SREBF2: variants seen among roughly 807,000 people sequenced by gnomAD.
The protein encoded by SREBF2 is sterol regulatory element-binding protein 2.
In SREBF2, 55 loss-of-function variants were observed where a neutral mutation model predicts 113.1. The ratio of observed to expected loss-of-function variants is 0.49; its 90% CI spans 0.39 to 0.61. The LOEUF (loss-of-function observed/expected upper bound fraction) is 0.61, where lower values mean the gene tolerates loss of function less well. Ranked by LOEUF, SREBF2 falls within the 20% of genes least tolerant of loss-of-function variation. SREBF2 has a pLI of 0.00. For missense variants in SREBF2, 1,349 were observed against 1,487.4 expected (o/e 0.91, Z 1.53); for synonymous variants, 593 against 605.7 (o/e 0.98, Z 0.31).
At chr22:41,884,226 C>T (rs574763842) in intron 10 of SREBF2, among the ~76,000 whole-genome samples, 5 of 152,294 alleles carry the variant, frequency 3.3e-5, no homozygotes, top group African/African-American at 1.2e-4. Flanking sequence ...ACCTCCGCAT[C>T]GCAGGCTCAA....
chr22:41,892,674 T>C (rs1055178569), intron 11 of SREBF2, among the ~76,000 whole-genome samples: 1 of 138,248 alleles, frequency 7.2e-6, no homozygotes, highest in Admixed American at 7.2e-5. Context: ...AAAAATGACA[T>C]GATAAAAAGT....
chr22:41,900,901 C>A, intron 16 of SREBF2: 1 of 529,682 alleles, frequency 1.9e-6, no homozygotes, highest in Non-Finnish European at 3.8e-6. Flanking sequence ...TGAAGACCAC[C>A]CTGGGCACCT....
chr22:41,866,933 G>T lies in SREBF2; in HGVS notation c.191G>T (p.Ser64Ile). 6.2e-7 allele frequency: 1 copy of T among 1,613,408 alleles called. No homozygotes were observed. The highest frequency in any genetic ancestry group is 1.3e-5 in the African/African-American group (1 of 74,468). ...GGCAGTGGTGGTAGTGGTAGCAGCA[G>T]CGGCAGCAGTGGCAGCAGCAGCAGC... The part of the protein sequence containing the change: ...FPGSGGSGSS[S>I]GSSGSSSSSS... The change falls in exon 2 of 19, where the codon AGC (serine) becomes ATC (isoleucine). Residue 64 changes from serine (S) to isoleucine (I), a missense_variant. By Grantham distance (142) the Ser-to-Ile change is moderately radical (BLOSUM62 -2). This residue lies in a region of SREBF2 where 699 missense variants were observed against 843.3 expected (regional missense o/e 0.83). Coordinates refer to ENST00000361204, the MANE Select transcript of SREBF2 (RefSeq NM_004599.4).
intron 3 of SREBF2, 142 bp downstream of exon 3, chr22:41,868,934 CAGCGTATAGTG>C: frequency 9.5e-7 from 1 of 1,051,988 alleles, no homozygotes; most frequent in Non-Finnish European, 1.4e-6. Context: ...CACCTGTGAG[CAGCGTATAGTG>C]ACCTGGCTGA....
rs1160070176 is a variant in SREBF2, at chr22:41,900,451, A to G, written c.2860A>G (p.Ser954Gly). 1 of 1,613,764 alleles carries G rather than the reference A, an allele frequency of 6.2e-7. No homozygotes were observed. The highest frequency in any genetic ancestry group is 8.5e-7 in the Non-Finnish European group (1 of 1,180,052). The change falls in exon 16 of 19, where the codon AGC becomes GGC. Residue 954 changes from serine to glycine, a missense_variant. Around this residue, in one of 2 missense-constraint regions of SREBF2, gnomAD observed 650 missense variants for 644.1 expected, o/e 1.01. Coordinates refer to ENST00000361204, the MANE Select transcript of SREBF2 (RefSeq NM_004599.4). ...CGAGAGGGCCAGTGGCCACCTATGGAGCAGCCTCAACGTCAGTGGGGCCAC... is the reference window on the plus strand; with the variant it reads ...CGAGAGGGCCAGTGGCCACCTATGGGGCAGCCTCAACGTCAGTGGGGCCAC... ...HCERASGHLW[S>G]SLNVSGATSD...
chr22:41,844,442 G>A (rs1390911392), intron 1 of SREBF2, among the ~76,000 whole-genome samples: 1 of 152,176 alleles, frequency 6.6e-6, no homozygotes, highest in Non-Finnish European at 1.5e-5. Flanking sequence ...AGAGTGTGGT[G>A]CAAGTGACCA....
intron 1 of SREBF2, 71 bp from the exon 2 acceptor site, chr22:41,866,760 A>C: frequency 6.4e-7 from 1 of 1,552,714 alleles, no homozygotes; most frequent in Non-Finnish European, 8.9e-7. Flanking sequence ...TTCATGCCTT[A>C]GTTTCTTAAG....
At chr22:41,837,221 C>T (rs779054090) in intron 1 of SREBF2, among the ~76,000 whole-genome samples, 17 of 152,144 alleles carry the variant, frequency 1.1e-4, no homozygotes, top group Non-Finnish European at 1.9e-4. Flanking sequence ...GTATCAGTGT[C>T]TGTTTTTCAA....
intron 12 of SREBF2, 148 bp from the exon 13 acceptor site, chr22:41,894,671 GT>G (rs2077395945): frequency 6.4e-6 from 5 of 782,922 alleles, no homozygotes; most frequent in Non-Finnish European, 1.2e-5. Context: ...TCCTCCAACT[GT>G]TTAGCACAGT....
intron 1 of SREBF2, among the ~76,000 whole-genome samples, chr22:41,857,422 G>A (rs2076987821): frequency 6.6e-6 from 1 of 152,232 alleles, no homozygotes; most frequent in Non-Finnish European, 1.5e-5. Context: ...GAGAGCACTA[G>A]ACAGAGAAGA....
chr22:41,889,662 C>T (rs2077337219), intron 11 of SREBF2, among the ~76,000 whole-genome samples: 2 of 151,172 alleles, frequency 1.3e-5, no homozygotes, highest in South Asian at 4.2e-4. Context: ...AGAGCCACTC[C>T]ACTCCAGCCT....
At chr22:41,855,159 A>G (rs1035758363) in intron 1 of SREBF2, among the ~76,000 whole-genome samples, 3 of 152,174 alleles carry the variant, frequency 2.0e-5, no homozygotes, top group African/African-American at 7.2e-5. Flanking sequence ...TGACAAATGG[A>G]TCAAAGGAGA....
At chr22:41,856,917 A>AT (rs1398709066) in intron 1 of SREBF2, among the ~76,000 whole-genome samples, 1 of 152,012 alleles carries the variant, frequency 6.6e-6, no homozygotes, top group Non-Finnish European at 1.5e-5. Flanking sequence ...AAATACAAAA[A>AT]TTAGCTGGGC....
At chr22:41,854,725 C>T (rs2076962126) in intron 1 of SREBF2, among the ~76,000 whole-genome samples, 1 of 151,134 alleles carries the variant, frequency 6.6e-6, no homozygotes. Flanking sequence ...AAAAATTAGC[C>T]GGGTTTGGTG....
At chr22:41,899,747 T>G (rs1321840313) in intron 15 of SREBF2, among the ~76,000 whole-genome samples, 1 of 152,158 alleles carries the variant, frequency 6.6e-6, no homozygotes, top group Non-Finnish European at 1.5e-5. Context: ...TTGTCCAAAG[T>G]CACCTCGCTC....
Position 41,874,001 on chromosome 22 carries a change from C to G in SREBF2, c.1071C>G (p.Val357=). ...NDKIIELKDL[V]MGTDAKMHKS... is the part of the protein sequence containing the mutation. The stretch of plus-strand genomic sequence containing the variant: ...AAATCATCGAATTGAAAGACCTGGT[C>G]ATGGGGACAGACGCCAAGGTGGGTG... Residue 357 remains valine (V), a synonymous_variant, in exon 5 of 19, where the codon GTC becomes GTG. Coordinates refer to ENST00000361204, the MANE Select transcript of SREBF2 (RefSeq NM_004599.4). The G allele has an allele frequency of 6.2e-7, 1 of 1,614,116 alleles. No individual in the cohort carries two copies.
At chr22:41,852,089 C>T (rs1393942079) in intron 1 of SREBF2, among the ~76,000 whole-genome samples, 4 of 151,916 alleles carry the variant, frequency 2.6e-5, no homozygotes, top group Non-Finnish European at 5.9e-5. Flanking sequence ...CCACTGCACT[C>T]CAGCCTGGGC....
chr22:41,858,086 G>A lies in SREBF2; in HGVS notation c.89-8745G>A, dbSNP rs77527050. Among the ~76,000 whole-genome samples the A allele has an allele frequency of 7.1e-3, 1,077 of 152,214 alleles. 17 individuals are homozygous for A. Among genetic ancestry groups the A allele is most frequent in the African/African-American group, 0.025 (1,031 of 41,526 alleles). On this transcript the variant is annotated intron_variant, in intron 1 of 18. Coordinates refer to ENST00000361204, the MANE Select transcript of SREBF2 (RefSeq NM_004599.4). The stretch of plus-strand genomic sequence containing the variant: ...TTATTAGAAAAAAACATTGTGGGTG[G>A]GGAGATAGGATCATTATGATGAAAC...
At chr22:41,902,717 C>G (rs1474082407) in intron 16 of SREBF2, among the ~76,000 whole-genome samples, 1 of 152,234 alleles carries the variant, frequency 6.6e-6, no homozygotes, top group Non-Finnish European at 1.5e-5. Context: ...AAGCTGCTGT[C>G]CCTGTCAGAG....
Sources: allele counts gnomAD v4.1 joint callset (sites outside exome capture counted in the v4.1 genomes callset), GRCh38; gene constraint gnomAD v4.1.1; regional missense constraint gnomAD v4.1.1; transcripts MANE v1.5; gene names NCBI Gene and HGNC (gene_info 2026-07-23, HGNC 2026-07-21).